The following FANCM variants were observed in gnomAD, a reference collection of about 807,000 sequenced individuals.
FANCM encodes FA complementation group M.
In FANCM, 140 loss-of-function variants were observed where a neutral mutation model predicts 199.5. The ratio of observed to expected loss-of-function variants is 0.70; its 90% CI spans 0.61 to 0.81. The LOEUF (loss-of-function observed/expected upper bound fraction) is 0.81, where lower values mean the gene tolerates loss of function less well. FANCM is among the 30% of genes least tolerant of loss of function. The pLI, the probability that FANCM is intolerant of heterozygous loss-of-function variation, is 0.00. For missense variants in FANCM, 2,410 were observed against 2,421.4 expected (o/e 1.00, Z 0.10); for synonymous variants, 840 against 836.8 (o/e 1.00, Z -0.07).
At chr14:45,179,813 G>C (rs1888954674) in intron 14 of FANCM, among the ~76,000 whole-genome samples, 1 of 152,068 alleles carries the variant, frequency 6.6e-6, no homozygotes, top group South Asian at 2.1e-4. Flanking sequence ...GCCTGCCTCT[G>C]CCTCCCAAAG....
rs1267049546 is a variant in FANCM at position 45,175,377 on chromosome 14, A to G, written c.2623A>G (p.Ile875Val). 3 of 1,563,538 alleles carry G rather than the reference A, an allele frequency of 1.9e-6. No homozygotes were observed. The highest frequency in any genetic ancestry group is 3.8e-5 in the Admixed American group (2 of 52,880). ...TAAAAAAGAAAATAATCACGGTATT[A>G]TAGATTCTGTAGATAATGACAGAAA... is the stretch of plus-strand genomic sequence containing the variant. Reference protein sequence around the residue: ...QLKKENNHGIIDSVDNDRNST... With the variant: ...QLKKENNHGIVDSVDNDRNST... The change falls in exon 14 of 23, where the codon ATA becomes GTA. Residue 875 changes from isoleucine (I) to valine (V), a missense_variant. By Grantham distance (29) the Ile-to-Val change is conservative (BLOSUM62 3). Coordinates refer to ENST00000267430, the MANE Select transcript of FANCM (RefSeq NM_020937.4).
chr14:45,148,845 A>G lies in FANCM; in HGVS notation c.768A>G (p.Gln256=), dbSNP rs1886616759. ...TAATTGATTTCATATAGGCTGTGCA[A>G]CAAGTTATTACTAACCTGCTAATTG... ...ATPGSDIKAV[Q]QVITNLLIGQ... The change falls in exon 4 of 23, where the codon CAA becomes CAG. Residue 256 remains glutamine, a synonymous_variant. Coordinates refer to ENST00000267430, the MANE Select transcript of FANCM (RefSeq NM_020937.4). 2.5e-6 allele frequency: 4 copies of G among 1,607,250 alleles called. No homozygotes were observed. Among genetic ancestry groups the G allele is most frequent in the African/African-American group, 1.3e-5 (1 of 74,794 alleles).
At position 45,173,805 on chromosome 14, in the gene FANCM, C is replaced by T. The variant is rs112134999; in HGVS notation, c.2316+595C>T. Among the ~76,000 whole-genome samples, 653 of 152,266 alleles carry T rather than the reference C, an allele frequency of 4.3e-3. 5 individuals are homozygous for T. The highest frequency in any genetic ancestry group is 0.015 in the African/African-American group (604 of 41,562). ...TAAATGACCTAATATATGTAAAGCA[C>T]GTAGTAGCTGGCATATGATAAGTAC... On this transcript the variant is annotated intron_variant, in intron 13 of 22. Transcript: ENST00000267430.
chr14:45,139,648 C>T (rs976075569), intron 2 of FANCM, among the ~76,000 whole-genome samples: 1 of 152,108 alleles, frequency 6.6e-6, no homozygotes, highest in Non-Finnish European at 1.5e-5. Flanking sequence ...TAAAGATTAC[C>T]TCAAATGACT....
intron 10 of FANCM, among the ~76,000 whole-genome samples, chr14:45,165,743 A>G (rs1057147489): frequency 6.6e-6 from 1 of 152,134 alleles, no homozygotes; most frequent in Non-Finnish European, 1.5e-5. Context: ...TTGGGTTCTA[A>G]TTGTATTCCC....
intron 14 of FANCM, among the ~76,000 whole-genome samples, chr14:45,177,772 CA>C (rs1216480599): frequency 2.0e-5 from 3 of 151,988 alleles, no homozygotes; most frequent in Non-Finnish European, 4.4e-5. Context: ...ATACTAAAGA[CA>C]TAATTTAGGT....
Position 45,196,559 on chromosome 14 carries a change from TA to T in FANCM, c.5716+15del. The T allele has an allele frequency of 6.2e-7, 1 of 1,610,880 alleles. No individual in the cohort carries two copies. Among genetic ancestry groups the T allele is most frequent in the Non-Finnish European group, 8.5e-7 (1 of 1,179,052 alleles). ...CAGAGAAAAAACAGGTTTGTATTTT[TA>T]AATATCTTTGTTTATAAGACTGTAA... On this transcript the variant is annotated intron_variant, in intron 21 of 22. Coordinates refer to ENST00000267430, the MANE Select transcript of FANCM (RefSeq NM_020937.4).
rs775967244 is a variant in FANCM, at chr14:45,170,558, G to T, written c.2003-31G>T. ...TTTTTGCTTTGCAGATTTTTAAAAA[G>T]TCTCTTTTCCATTATTTTTTCAACT... is the stretch of plus-strand genomic sequence containing the variant. On this transcript the variant is annotated intron_variant, in intron 11 of 22. Coordinates refer to ENST00000267430, the MANE Select transcript of FANCM (RefSeq NM_020937.4). 3 of 1,535,362 alleles carry T rather than the reference G, an allele frequency of 2.0e-6. No homozygotes were observed. In the Admixed American group the frequency reaches 5.1e-5, roughly 26 times the overall value.
intron 20 of FANCM, among the ~76,000 whole-genome samples, chr14:45,189,917 G>A (rs1889659614): frequency 6.7e-6 from 1 of 149,866 alleles, no homozygotes. Context: ...GCAGTCAGCC[G>A]AGATCATGCC....
chr14:45,198,566 TAATAA>T (rs1230312468), intron 21 of FANCM, 73 bp from the exon 22 acceptor site: 13 of 920,678 alleles, frequency 1.4e-5, no homozygotes, highest in Admixed American at 1.0e-4. Context: ...CTTGGGATTT[TAATAA>T]AATAAAGTAT....
chr14:45,162,525 C>T (rs1207444554), intron 9 of FANCM, among the ~76,000 whole-genome samples: 3 of 152,182 alleles, frequency 2.0e-5, no homozygotes, highest in Non-Finnish European at 4.4e-5. Context: ...AACAAAATTA[C>T]TCTGTCAAGT....
At chr14:45,154,187 G>A in intron 6 of FANCM, 135 bp downstream of exon 6, 2 of 607,334 alleles carry the variant, frequency 3.3e-6, no homozygotes, top group Non-Finnish European at 5.8e-6. Flanking sequence ...GATCACTTGA[G>A]GTCAGGAGTT....
At chr14:45,138,531 G>A (rs1243874342) in intron 2 of FANCM, among the ~76,000 whole-genome samples, 1 of 151,984 alleles carries the variant, frequency 6.6e-6, no homozygotes, top group Non-Finnish European at 1.5e-5. Context: ...TCTGAGAGGG[G>A]CATTTAAAAA....
At chr14:45,196,078 A>G (rs1399934622) in intron 20 of FANCM, 94 bp from the exon 21 acceptor site, 3 of 1,325,256 alleles carry the variant, frequency 2.3e-6, no homozygotes, top group East Asian at 2.3e-5. Flanking sequence ...AAAACTGGAC[A>G]TTCTCATTAA....
At chr14:45,167,982 T>TA (rs773154362) in intron 11 of FANCM, among the ~76,000 whole-genome samples, 49 of 152,188 alleles carry the variant, frequency 3.2e-4, no homozygotes, top group Non-Finnish European at 2.4e-4. Flanking sequence ...AGAAGACTCT[T>TA]ACGCTGAAAA....
intron 11 of FANCM, chr14:45,167,414 T>C: frequency 2.2e-6 from 1 of 459,020 alleles, no homozygotes; most frequent in South Asian, 2.6e-5. Context: ...ATGTTCTCCA[T>C]AAAGTTTAGA....
intron 10 of FANCM, among the ~76,000 whole-genome samples, chr14:45,165,837 T>C (rs1887931116): frequency 6.6e-6 from 1 of 152,204 alleles, no homozygotes; most frequent in South Asian, 2.1e-4. Context: ...ACTCAGTATT[T>C]ACATTGTGCT....
intron 14 of FANCM, among the ~76,000 whole-genome samples, chr14:45,179,455 AAT>A (rs1888921478): frequency 6.6e-6 from 1 of 151,810 alleles, no homozygotes; most frequent in Non-Finnish European, 1.5e-5. Flanking sequence ...GTTTGTCCTT[AAT>A]GTCTTTCTTT....
rs1388054348 is a variant in FANCM at position 45,181,515 on chromosome 14, C to T, written c.4308C>T (p.Asn1436=). 8 of 1,601,032 alleles carry T rather than the reference C, an allele frequency of 5.0e-6. 1 individual carries two copies. Among genetic ancestry groups the T allele is most frequent in the Middle Eastern group, 3.3e-4 (2 of 6,036 alleles). ...AAAGAGCAAAAGGAAATGTTTTAAACTCTCCTGAGGTGAGTCATTCAGTAA... is the reference window on the plus strand; with the variant it reads ...AAAGAGCAAAAGGAAATGTTTTAAATTCTCCTGAGGTGAGTCATTCAGTAA... The part of the protein sequence containing the change: ...KVKRAKGNVL[N]SPEDQKNSEV... The change falls in exon 15 of 23, where the codon AAC becomes AAT. Residue 1436 remains asparagine, a synonymous_variant. Transcript: ENST00000267430.
Sources: gnomAD v4.1 joint callset for allele counts (sites outside exome capture counted in the v4.1 genomes callset) on GRCh38, gnomAD v4.1.1 for gene constraint, MANE v1.5 for transcripts, NCBI Gene and HGNC (gene_info 2026-07-23, HGNC 2026-07-21) for gene names.